The following CTDP1 variants were observed in gnomAD, a reference collection of about 807,000 sequenced individuals.
CTDP1 encodes the protein CTD phosphatase 1, also known as RNA polymerase II subunit A C-terminal domain phosphatase.
In CTDP1, 47 loss-of-function variants were observed where a neutral mutation model predicts 91.8. The ratio of observed to expected loss-of-function variants is 0.51; its 90% confidence interval spans 0.41 to 0.65. CTDP1 has a LOEUF of 0.65. Among genes scored for constraint, CTDP1 ranks in the 30% least tolerant of loss-of-function variants. The pLI, the probability that CTDP1 is intolerant of heterozygous loss-of-function variation, is 0.00. For synonymous variants in CTDP1, 656 were observed against 598.5 expected (o/e 1.10, Z -1.40); for missense variants, 1,272 against 1,373.7 (o/e 0.93, Z 1.17).
intron 10 of CTDP1, among the ~76,000 whole-genome samples, chr18:79,722,628 G>A (rs1427512553): frequency 5.3e-5 from 8 of 152,200 alleles, no homozygotes; most frequent in African/African-American, 1.7e-4. Flanking sequence ...TCTTTGTCAC[G>A]TTAAGGAAAT....
At chr18:79,712,891 C>G in intron 6 of CTDP1, 81 bp from the exon 7 acceptor site, 1 of 1,475,720 alleles carries the variant, frequency 6.8e-7, no homozygotes, top group South Asian at 1.1e-5. Flanking sequence ...GGATTAGAAT[C>G]TTAAACTGTT....
At chr18:79,742,094 CA>C (rs1363838196) in intron 12 of CTDP1, among the ~76,000 whole-genome samples, 1 of 10,902 alleles carries the variant, frequency 9.2e-5, no homozygotes, top group East Asian at 4.3e-3. Flanking sequence ...GGCCTGGGGG[CA>C]GCAGAGGAGG....
At chr18:79,715,670 A>C in intron 8 of CTDP1, 142 bp downstream of exon 8, 1 of 973,668 alleles carries the variant, frequency 1.0e-6, no homozygotes, top group Non-Finnish European at 1.5e-6. Context: ...AGAATAGATC[A>C]TGACAGTGGG....
At chr18:79,684,969 C>T (rs2510274) in intron 1 of CTDP1, among the ~76,000 whole-genome samples, 2,080 of 98,354 alleles carry the variant, frequency 0.021, 3 homozygotes, top group Middle Eastern at 0.039. Context: ...GGTTTCTCTG[C>T]GGTGCTCCTT....
rs771577692 is a variant in CTDP1, at chr18:79,736,467, C to T, written c.2693C>T (p.Thr898Met). 21 of 1,548,674 alleles carry T rather than the reference C, an allele frequency of 1.4e-5. No homozygotes were observed. The highest frequency in any genetic ancestry group is 9.8e-5 in the East Asian group (4 of 40,924). The change falls in exon 12 of 13, where the codon ACG (threonine) becomes ATG (methionine). Residue 898 changes from threonine to methionine, a missense_variant. This residue lies in a region of CTDP1 where 881 missense variants were observed against 911.6 expected (regional missense o/e 0.97). Coordinates refer to ENST00000613122, the MANE Select transcript of CTDP1 (RefSeq NM_004715.5). ...AAGCCAGGGACCCGCAGGGAGCGGA[C>T]GCTCGGGGCACCTGCGTCCAGCGAG... is the stretch of plus-strand genomic sequence containing the variant. ...PRKPGTRRER[T>M]LGAPASSERS...
chr18:79,691,499 T>G (rs770142435), intron 1 of CTDP1, among the ~76,000 whole-genome samples: 2 of 149,416 alleles, frequency 1.3e-5, no homozygotes, highest in Non-Finnish European at 3.0e-5. Flanking sequence ...CAGGGTGGAC[T>G]CGGGGTGGGG....
intron 3 of CTDP1, among the ~76,000 whole-genome samples, chr18:79,697,627 G>A (rs150308902): frequency 2.0e-5 from 3 of 152,220 alleles, no homozygotes; most frequent in Non-Finnish European, 2.9e-5. Context: ...TTCCCCCTCC[G>A]TTTTCATTGG....
chr18:79,680,051 G>T lies in CTDP1; in HGVS notation c.104G>T (p.Trp35Leu). The T allele has an allele frequency of 8.0e-7, 1 of 1,253,398 alleles. No homozygotes were observed. The highest frequency in any genetic ancestry group is 1.0e-6 in the Non-Finnish European group (1 of 1,003,334). 77.6% of individuals were successfully genotyped at this position (1,253,398 alleles called of 1,614,324 possible). Residue 35 changes from tryptophan to leucine, a missense_variant, in exon 1 of 13, where the codon TGG (tryptophan) becomes TTG (leucine). Transcript: ENST00000613122. ...PGPAPLRLLE[W>L]RVAAGAAVRI... The stretch of plus-strand genomic sequence containing the variant: ...CCCGCGCCGCTGCGCCTGCTGGAGT[G>T]GAGGGTGGCGGCGGGCGCGGCCGTG...
chr18:79,716,044 TA>T (rs1490587728), intron 8 of CTDP1, among the ~76,000 whole-genome samples: 1 of 152,210 alleles, frequency 6.6e-6, no homozygotes, highest in Admixed American at 6.5e-5. Context: ...TTCCGCCGAA[TA>T]AAACAACCTT....
Position 79,728,931 on chromosome 18 carries a change from G to A in CTDP1, c.2442G>A (p.Gln814=). 3 of 1,614,196 alleles carry A rather than the reference G, an allele frequency of 1.9e-6. No individual in the cohort carries two copies. The highest frequency in any genetic ancestry group is 2.5e-6 in the Non-Finnish European group (3 of 1,180,028). The change falls in exon 11 of 13, where the codon CAG becomes CAA. Residue 814 remains glutamine, a synonymous_variant. Transcript: ENST00000613122. The part of the protein sequence containing the change: ...SFRAVPPPQP[Q]MFGEELPDAQ... ...GAGCGGTTCCGCCACCCCAGCCGCA[G>A]ATGTTTGGTGAAGAGCTGCCTGACG...
At chr18:79,707,568 G>A (rs1179164262) in intron 5 of CTDP1, among the ~76,000 whole-genome samples, 3 of 152,216 alleles carry the variant, frequency 2.0e-5, no homozygotes, top group South Asian at 2.1e-4. Flanking sequence ...GCATTCCAAC[G>A]TGTCCAAGGG....
intron 12 of CTDP1, among the ~76,000 whole-genome samples, chr18:79,745,403 G>A (rs1347334600): frequency 6.3e-5 from 1 of 15,768 alleles, no homozygotes; most frequent in Non-Finnish European, 1.2e-4. Flanking sequence ...TTCTGTCCCC[G>A]CGTCCCTCCC....
rs116621665 is a variant in CTDP1 at position 79,717,705 on chromosome 18, G to T, written c.2210+29G>T. On this transcript the variant is annotated intron_variant, in intron 9 of 12. Coordinates refer to ENST00000613122, the MANE Select transcript of CTDP1 (RefSeq NM_004715.5). ...GGTCCTCGCTGCACCCAGCAGGTCCGTGCCAGGCGTTCCCTTGCTGGACAG... is the reference window on the plus strand; with the variant it reads ...GGTCCTCGCTGCACCCAGCAGGTCCTTGCCAGGCGTTCCCTTGCTGGACAG... The T allele has an allele frequency of 1.6e-3, 2,503 of 1,613,814 alleles. 5 individuals are homozygous for T. Among genetic ancestry groups the T allele is most frequent in the Non-Finnish European group, 1.9e-3 (2,294 of 1,179,960 alleles).
intron 10 of CTDP1, among the ~76,000 whole-genome samples, chr18:79,723,968 G>A (rs1414322518): frequency 6.6e-6 from 1 of 152,218 alleles, no homozygotes; most frequent in African/African-American, 2.4e-5. Flanking sequence ...GGTGTGTGGT[G>A]GAGCCAACTG....
intron 12 of CTDP1, among the ~76,000 whole-genome samples, chr18:79,737,625 C>T (rs75589202): frequency 0.05 from 7,626 of 151,998 alleles, 243 homozygotes; most frequent in South Asian, 0.13. Flanking sequence ...GAGAGGTCCC[C>T]GTCCCGCATC....
intron 12 of CTDP1, among the ~76,000 whole-genome samples, chr18:79,739,800 A>G (rs1329187213): frequency 1.2e-4 from 18 of 148,944 alleles, no homozygotes; most frequent in South Asian, 2.2e-4. Context: ...TCTCATACCC[A>G]CGGCCGGGAC....
chr18:79,747,090 A>G (rs2086897146), intron 12 of CTDP1, among the ~76,000 whole-genome samples: 1 of 152,294 alleles, frequency 6.6e-6, no homozygotes, highest in South Asian at 2.1e-4. Flanking sequence ...TGATTGCCCA[A>G]TTTTAAATGA....
At chr18:79,682,642 G>T (rs1568169004) in intron 1 of CTDP1, among the ~76,000 whole-genome samples, 1 of 152,184 alleles carries the variant, frequency 6.6e-6, no homozygotes, top group Non-Finnish European at 1.5e-5. Flanking sequence ...TGTTTGCTGG[G>T]TGTGGAGCCC....
chr18:79,689,930 T>G (rs1029125009), intron 1 of CTDP1, among the ~76,000 whole-genome samples: 1 of 152,036 alleles, frequency 6.6e-6, no homozygotes, highest in Non-Finnish European at 1.5e-5. Context: ...GGCGGCTGAG[T>G]CTTGAGGCAT....
Sources: allele counts gnomAD v4.1 joint callset (sites outside exome capture counted in the v4.1 genomes callset), GRCh38; gene constraint gnomAD v4.1.1; regional missense constraint gnomAD v4.1.1; transcripts MANE v1.5; gene names NCBI Gene and HGNC (gene_info 2026-07-23, HGNC 2026-07-21).